The following POPDC1 variants were observed in gnomAD, a reference collection of about 807,000 sequenced individuals.
POPDC1 encodes the protein popeye domain-containing protein 1.
the POPDC1 span, chr6:105,125,265 C>T: frequency 2.6e-6 from 3 of 1,163,988 alleles, no homozygotes; most frequent in Non-Finnish European, 3.7e-6. Flanking sequence ...AAAAATTCCA[C>T]CAACAACAAA....
the POPDC1 span, chr6:105,133,333 T>C: frequency 6.4e-7 from 1 of 1,574,064 alleles, no homozygotes; most frequent in South Asian, 1.1e-5. Flanking sequence ...TTACATAAAG[T>C]ATCAGTTAGG....
chr6:105,128,732 A>T, the POPDC1 span, among the ~76,000 whole-genome samples: 1 of 152,182 alleles, frequency 6.6e-6, no homozygotes, highest in East Asian at 1.9e-4. Flanking sequence ...CAAACATAAG[A>T]TTAAGGCAAG....
At chr6:105,118,808 T>C in the POPDC1 span, among the ~76,000 whole-genome samples, 1 of 152,104 alleles carries the variant, frequency 6.6e-6, no homozygotes, top group Admixed American at 6.5e-5. Context: ...GTAATATTCT[T>C]CCCCATTTTT....
the POPDC1 span, among the ~76,000 whole-genome samples, chr6:105,128,666 G>A: frequency 6.6e-6 from 1 of 152,120 alleles, no homozygotes; most frequent in Non-Finnish European, 1.5e-5. Flanking sequence ...ATTCAAATTA[G>A]AATCTTCTAT....
At chr6:105,120,523 T>C in the POPDC1 span, among the ~76,000 whole-genome samples, 1 of 152,252 alleles carries the variant, frequency 6.6e-6, no homozygotes, top group African/African-American at 2.4e-5. Flanking sequence ...TCAGTAGTGC[T>C]ATGCTTGAGT....
the POPDC1 span, chr6:105,116,958 T>A: frequency 5.8e-6 from 7 of 1,212,838 alleles, no homozygotes; most frequent in Non-Finnish European, 8.0e-6. Flanking sequence ...AATGATTTAG[T>A]GGACATTATC....
the POPDC1 span, chr6:105,115,809 G>A: frequency 6.2e-7 from 1 of 1,613,438 alleles, no homozygotes; most frequent in Non-Finnish European, 8.5e-7. Flanking sequence ...CTGAGCTGAT[G>A]TTCCAGCTTT....
chr6:105,136,736 C>A, the POPDC1 span: 1 of 152,280 alleles, frequency 6.6e-6, no homozygotes, highest in Non-Finnish European at 1.5e-5. Flanking sequence ...GGGAGAAGGG[C>A]GGCCTCCAAG....
At chr6:105,136,337 T>C in the POPDC1 span, 1 of 152,182 alleles carries the variant, frequency 6.6e-6, no homozygotes, top group Admixed American at 6.5e-5. Context: ...TCCCCAGCCA[T>C]CGGCGCTCTC....
At chr6:105,133,485 C>T in the POPDC1 span, 1 of 1,613,820 alleles carries the variant, frequency 6.2e-7, no homozygotes, top group Non-Finnish European at 8.5e-7. Context: ...CACAAGTGGT[C>T]TTATTGGAAG....
the POPDC1 span, among the ~76,000 whole-genome samples, chr6:105,122,261 G>A: frequency 2.6e-4 from 39 of 152,314 alleles, no homozygotes; most frequent in African/African-American, 8.4e-4. Context: ...AATGCCACAC[G>A]AGACTCTATG....
the POPDC1 span, among the ~76,000 whole-genome samples, chr6:105,101,418 G>A: frequency 1.3e-5 from 2 of 152,164 alleles, no homozygotes; most frequent in Non-Finnish European, 2.9e-5. Flanking sequence ...TCTCAGTCAG[G>A]AGCACAGATG....
the POPDC1 span, among the ~76,000 whole-genome samples, chr6:105,113,646 A>T: frequency 1.3e-5 from 2 of 152,104 alleles, no homozygotes; most frequent in Non-Finnish European, 2.9e-5. Context: ...AAGAGTAGGG[A>T]AGTGCAGCAC....
the POPDC1 span, among the ~76,000 whole-genome samples, chr6:105,124,809 C>A: frequency 6.6e-6 from 1 of 152,178 alleles, no homozygotes; most frequent in East Asian, 1.9e-4. Context: ...TCTTGAGGCA[C>A]AAGTATTTCA....
chr6:105,106,799 C>T, the POPDC1 span, among the ~76,000 whole-genome samples: 3 of 105,386 alleles, frequency 2.8e-5, no homozygotes, highest in Non-Finnish European at 4.3e-5. Context: ...CCTTAAAAAC[C>T]TTTTTTTTAG....
At chr6:105,107,660 T>C in the POPDC1 span, among the ~76,000 whole-genome samples, 1 of 152,342 alleles carries the variant, frequency 6.6e-6, no homozygotes, top group South Asian at 2.1e-4. Flanking sequence ...AATGACGTTT[T>C]CTCCATTTCT....
the POPDC1 span, among the ~76,000 whole-genome samples, chr6:105,127,910 C>A: frequency 0.018 from 2,728 of 152,280 alleles, 34 homozygotes; most frequent in Non-Finnish European, 0.03. Flanking sequence ...CAGGTGTGCA[C>A]TACCATGCCA....
chr6:105,115,204 A>C, the POPDC1 span, among the ~76,000 whole-genome samples: 1 of 152,224 alleles, frequency 6.6e-6, no homozygotes, highest in Non-Finnish European at 1.5e-5. Context: ...CTCCTGCCTC[A>C]GCCTCCCGAG....
At chr6:105,117,516 T>C in the POPDC1 span, among the ~76,000 whole-genome samples, 1 of 151,998 alleles carries the variant, frequency 6.6e-6, no homozygotes, top group African/African-American at 2.4e-5. Context: ...CCTTCAGTAT[T>C]GTATGTAGGA....
Sources: gnomAD v4.1 joint callset for allele counts (sites outside exome capture counted in the v4.1 genomes callset) on GRCh38, gnomAD v4.1.1 for gene constraint, MANE v1.5 for transcripts, NCBI Gene and HGNC (gene_info 2026-07-23, HGNC 2026-07-21) for gene names.